CFTR: variants seen among roughly 807,000 people sequenced by gnomAD.
CFTR encodes the protein cystic fibrosis transmembrane conductance regulator.
A neutral mutation model predicts 171.6 loss-of-function variants in CFTR; 181 were observed. The observed-to-expected ratio is 1.05, with a 90% CI of 0.93 to 1.19. CFTR has a LOEUF of 1.19. Among genes scored for constraint, CFTR ranks in the 50% most tolerant of loss-of-function variants. The pLI is 0.00. For missense variants in CFTR, 1,968 were observed against 1,734.7 expected (o/e 1.13, Z -2.39); for synonymous variants, 583 against 608.0 (o/e 0.96, Z 0.60).
intron 15 of CFTR, among the ~76,000 whole-genome samples, chr7:117,599,534 A>G (rs889395977): frequency 6.6e-6 from 1 of 152,124 alleles, no homozygotes; most frequent in Non-Finnish European, 1.5e-5. Flanking sequence ...CAATTATTGC[A>G]AAAAATTACC....
intron 11 of CFTR, among the ~76,000 whole-genome samples, chr7:117,587,174 G>A (rs923860099): frequency 6.6e-6 from 1 of 152,170 alleles, no homozygotes; most frequent in Non-Finnish European, 1.5e-5. Context: ...ATGAGGTGCT[G>A]AGGATGGACG....
At chr7:117,508,198 A>C (rs905041743) in intron 2 of CFTR, among the ~76,000 whole-genome samples, 1 of 152,248 alleles carries the variant, frequency 6.6e-6, no homozygotes, top group South Asian at 2.1e-4. Context: ...CTTGTGGTTC[A>C]TGAAATTTTT....
intron 1 of CFTR, among the ~76,000 whole-genome samples, chr7:117,491,884 G>T (rs1011227806): frequency 2.0e-5 from 3 of 152,038 alleles, no homozygotes; most frequent in East Asian, 1.9e-4. Flanking sequence ...AGCAGAATGC[G>T]ATATGGAAGT....
chr7:117,627,660 A>G lies in CFTR; in HGVS notation c.3607A>G (p.Ile1203Val), dbSNP rs75647395. ...GAATTCACACGTGAAGAAAGATGAC[A>G]TCTGGCCCTCAGGGGGCCAAATGAC... ...IENSHVKKDDIWPSGGQMTVK... is the reference protein window; with the variant it reads ...IENSHVKKDDVWPSGGQMTVK... The change falls in exon 22 of 27, where the codon ATC becomes GTC. Residue 1203 changes from isoleucine to valine, a missense_variant. By Grantham distance (29) the Ile-to-Val change is conservative (BLOSUM62 3). Transcript: ENST00000003084. 3.1e-6 allele frequency: 5 copies of G among 1,613,488 alleles called. No individual in the cohort carries two copies. In the African/African-American group the frequency reaches 4.0e-5, roughly 13 times the overall value.
intron 1 of CFTR, among the ~76,000 whole-genome samples, chr7:117,499,098 C>T (rs1798281520): frequency 6.6e-6 from 1 of 151,836 alleles, no homozygotes; most frequent in Non-Finnish European, 1.5e-5. Context: ...TTTGCCTAGT[C>T]AAATAAAAAG....
intron 2 of CFTR, among the ~76,000 whole-genome samples, chr7:117,508,299 CA>C (rs1798455651): frequency 6.6e-6 from 1 of 152,210 alleles, no homozygotes; most frequent in East Asian, 1.9e-4. Flanking sequence ...TAACAGAAAT[CA>C]GTGGCAATAA....
intron 9 of CFTR, among the ~76,000 whole-genome samples, chr7:117,548,266 A>G (rs1340497079): frequency 1.3e-5 from 2 of 151,922 alleles, no homozygotes; most frequent in Non-Finnish European, 2.9e-5. Flanking sequence ...AGGATTATAA[A>G]ATCTATCTCA....
chr7:117,657,214 T>A lies in CFTR; in HGVS notation c.3963+4283T>A, dbSNP rs553722280. On this transcript the variant is annotated intron_variant, in intron 24 of 26. Coordinates refer to ENST00000003084, the MANE Select transcript of CFTR (RefSeq NM_000492.4). The stretch of plus-strand genomic sequence containing the variant: ...AGGATCATAAATATAATCTAAAATC[T>A]TAGAACCTGTGGTTATGATTTTAAA... 2.6e-5 allele frequency among the ~76,000 whole-genome samples: 4 copies of A among 152,284 alleles called. No individual in the cohort carries two copies. The South Asian group carries it at 8.3e-4, about 32-fold the overall frequency.
chr7:117,591,858 C>A, intron 13 of CFTR, 76 bp from the exon 14 acceptor site: 1 of 957,622 alleles, frequency 1.0e-6, no homozygotes. Flanking sequence ...AAAACATTAA[C>A]AAAATGCTAA....
intron 7 of CFTR, among the ~76,000 whole-genome samples, chr7:117,537,545 A>G (rs1053070458): frequency 6.6e-6 from 1 of 152,198 alleles, no homozygotes; most frequent in Non-Finnish European, 1.5e-5. Context: ...AAAGAGAGGT[A>G]CCATTTTGGA....
chr7:117,554,764 A>G (rs1799323951), intron 10 of CFTR, among the ~76,000 whole-genome samples: 1 of 152,206 alleles, frequency 6.6e-6, no homozygotes, highest in African/African-American at 2.4e-5. Flanking sequence ...GAAGGGTGTT[A>G]TCAACTAGGT....
At chr7:117,636,349 A>G (rs1253864008) in intron 22 of CFTR, among the ~76,000 whole-genome samples, 2 of 151,990 alleles carry the variant, frequency 1.3e-5, no homozygotes, top group Non-Finnish European at 2.9e-5. Context: ...CTTTTTGAAC[A>G]TGATATGCCT....
chr7:117,565,927 C>A (rs1365546512), intron 11 of CFTR, among the ~76,000 whole-genome samples: 1 of 152,052 alleles, frequency 6.6e-6, no homozygotes, highest in Non-Finnish European at 1.5e-5. Context: ...CTCTATCATG[C>A]AGATATCACA....
intron 13 of CFTR, among the ~76,000 whole-genome samples, chr7:117,591,176 A>G (rs1397524473): frequency 6.6e-6 from 1 of 152,162 alleles, no homozygotes; most frequent in Non-Finnish European, 1.5e-5. Context: ...TAAATTTAAT[A>G]TCCAAGATAC....
In CFTR at chr7:117,627,583, A is replaced by G. The variant is rs777765549; in HGVS notation, c.3530A>G (p.Lys1177Arg). 2 of 1,613,398 alleles carry G rather than the reference A, an allele frequency of 1.2e-6. No individual in the cohort carries two copies. The highest frequency in any genetic ancestry group is 1.7e-6 in the Non-Finnish European group (2 of 1,179,512). ...IDMPTEGKPT[K>R]STKPYKNGQL... ...ATGCCAACAGAAGGTAAACCTACCA[A>G]GTCAACCAAACCATACAAGAATGGC... The change falls in exon 22 of 27, where the codon AAG (lysine) becomes AGG (arginine). Residue 1177 changes from lysine (K) to arginine (R), a missense_variant. Physicochemically the swap from Lys to Arg is conservative, Grantham distance 26 (BLOSUM62 2). Coordinates refer to ENST00000003084, the MANE Select transcript of CFTR (RefSeq NM_000492.4).
intron 3 of CFTR, among the ~76,000 whole-genome samples, chr7:117,512,186 G>A (rs1486787558): frequency 6.6e-6 from 1 of 152,088 alleles, no homozygotes; most frequent in African/African-American, 2.4e-5. Context: ...AAAAAAAGGA[G>A]GTGCCATCAT....
At chr7:117,573,457 T>C (rs967075199) in intron 11 of CFTR, among the ~76,000 whole-genome samples, 2 of 152,052 alleles carry the variant, frequency 1.3e-5, no homozygotes, top group Non-Finnish European at 2.9e-5. Context: ...GTAAAGGAAA[T>C]CAGCCAAAAA....
At chr7:117,515,943 C>T (rs1189948798) in intron 3 of CFTR, among the ~76,000 whole-genome samples, 1 of 152,076 alleles carries the variant, frequency 6.6e-6, no homozygotes, top group African/African-American at 2.4e-5. Context: ...CTTGATTTGC[C>T]TCTCTGCTGC....
At chr7:117,619,457 ACTGT>A (rs552815567) in intron 21 of CFTR, among the ~76,000 whole-genome samples, 57 of 152,302 alleles carry the variant, frequency 3.7e-4, no homozygotes, top group Middle Eastern at 3.4e-3. Flanking sequence ...TTGTTTCACA[ACTGT>A]CTATCACATA....
Sources: gnomAD v4.1 joint callset for allele counts (sites outside exome capture counted in the v4.1 genomes callset) on GRCh38, gnomAD v4.1.1 for gene constraint, MANE v1.5 for transcripts, NCBI Gene and HGNC (gene_info 2026-07-23, HGNC 2026-07-21) for gene names.